Variants in MAU2 observed in about 807,000 individuals in gnomAD.
MAU2 encodes the protein MAU2 sister chromatid cohesion factor.
Under a neutral mutation model 89.1 loss-of-function variants are expected in MAU2, and 9 were observed. The observed-to-expected ratio is 0.10, with a 90% confidence interval of 0.06 to 0.18. MAU2 has a LOEUF of 0.18. MAU2 is among the 10% of genes least tolerant of loss of function. The pLI, the probability that MAU2 is intolerant of heterozygous loss-of-function variation, is 1.00. For missense variants in MAU2, 425 were observed against 803.5 expected (o/e 0.53, Z 5.69); for synonymous variants, 357 against 343.4 (o/e 1.04, Z -0.44).
At position 19,345,468 on chromosome 19, in the gene MAU2, C is replaced by A; in HGVS notation, c.1221+99C>A. On this transcript the variant is annotated intron_variant, in intron 12 of 18. Transcript: ENST00000262815. This position sits in a 1 kb window ranked among gnomAD's most constrained non-coding sequence, Gnocchi z 4.9. Reference sequence around the variant, plus strand: ...GAGGACAGCAGTCGCGCTAGGTCAGCTATGCAAAGCCGCAGCCCCAGAGGC... The same window carrying A: ...GAGGACAGCAGTCGCGCTAGGTCAGATATGCAAAGCCGCAGCCCCAGAGGC... 8.6e-7 allele frequency: 1 copy of A among 1,163,756 alleles called. No individual in the cohort carries two copies. Among genetic ancestry groups the A allele is most frequent in the Non-Finnish European group, 1.3e-6 (1 of 788,494 alleles). 72.1% of individuals were successfully genotyped at this position (1,163,756 alleles called of 1,614,324 possible).
At chr19:19,354,738 T>C in intron 17 of MAU2, 1 of 460,400 alleles carries the variant, frequency 2.2e-6, no homozygotes, top group Non-Finnish European at 4.0e-6. Context: ...CCTTGCTTCT[T>C]CCCGGAAAGG....
chr19:19,339,038 G>C (rs1015642291), intron 5 of MAU2, 99 bp downstream of exon 5: 2 of 919,914 alleles, frequency 2.2e-6, no homozygotes. Flanking sequence ...TTCAGGTGAA[G>C]TACAGTAGCT....
intron 5 of MAU2, among the ~76,000 whole-genome samples, chr19:19,340,164 CA>C (rs1253222446): frequency 0.01 from 852 of 84,010 alleles, 2 homozygotes; most frequent in African/African-American, 0.022. Context: ...GACTCCATCT[CA>C]AAAAAAAAAA....
At chr19:19,330,001 A>G (rs1366705156) in intron 1 of MAU2, among the ~76,000 whole-genome samples, 3 of 151,146 alleles carry the variant, frequency 2.0e-5, no homozygotes, top group Middle Eastern at 3.4e-3. Context: ...TTTTTTTGAG[A>G]TAAAGTCTCA....
intron 1 of MAU2, among the ~76,000 whole-genome samples, chr19:19,326,658 A>C (rs866701383): frequency 5.6e-4 from 81 of 144,616 alleles, no homozygotes; most frequent in African/African-American, 1.9e-3. Context: ...TGCACTCCAG[A>C]CTGGGCGAAA....
chr19:19,337,379 G>A, intron 4 of MAU2, 114 bp downstream of exon 4: 2 of 791,132 alleles, frequency 2.5e-6, no homozygotes, highest in South Asian at 2.9e-5. Flanking sequence ...CCCTCGGGCT[G>A]GCACATGGAG....
In MAU2 at chr19:19,345,620, G is replaced by A. The variant is rs1317224728; in HGVS notation, c.1221+251G>A. 1.3e-5 allele frequency among the ~76,000 whole-genome samples: 2 copies of A among 152,170 alleles called. No individual in the cohort carries two copies. The highest frequency in any genetic ancestry group is 2.9e-5 in the Non-Finnish European group (2 of 68,036). ...CAGACGTGAGGGAGAGGTGCGACGC[G>A]TCCGGGGACACCACTTTCATGCCTG... is the stretch of plus-strand genomic sequence containing the variant. On this transcript the variant is annotated intron_variant, in intron 12 of 18. Transcript: ENST00000262815. This position sits in a 1 kb window ranked among gnomAD's most constrained non-coding sequence, Gnocchi z 4.9.
intron 1 of MAU2, among the ~76,000 whole-genome samples, chr19:19,335,407 C>G (rs1772024381): frequency 1.3e-5 from 2 of 152,162 alleles, no homozygotes; most frequent in South Asian, 4.1e-4. Flanking sequence ...CCTCTGAGCT[C>G]TGTTCCTTTC....
chr19:19,343,202 A>G lies in MAU2; in HGVS notation c.973+336A>G, dbSNP rs187523151. Reference sequence around the variant, plus strand: ...CAGGATCAGAACTCAGCCCTCACTGACCACCAGCATGTCCTTTGGAGGTCG... The same window carrying G: ...CAGGATCAGAACTCAGCCCTCACTGGCCACCAGCATGTCCTTTGGAGGTCG... On this transcript the variant is annotated intron_variant, in intron 9 of 18. Coordinates refer to ENST00000262815, the MANE Select transcript of MAU2 (RefSeq NM_015329.4). 3.0e-4 allele frequency among the ~76,000 whole-genome samples: 45 copies of G among 152,222 alleles called. No individual in the cohort carries two copies. In the East Asian group the frequency reaches 8.3e-3, roughly 28 times the overall value.
Position 19,356,166 on chromosome 19 carries a change from TCACC to T in MAU2, c.*387_*390del, listed in dbSNP as rs1599931982. 2.4e-6 allele frequency: 1 copy of T among 423,328 alleles called. No homozygotes were observed. The highest frequency in any genetic ancestry group is 6.4e-5 in the East Asian group (1 of 15,610). 26.2% of individuals were successfully genotyped at this position (423,328 alleles called of 1,614,324 possible). A position where few individuals can be genotyped will look rare whatever the true frequency, so the allele number is the denominator to read the frequency against. On this transcript the variant is annotated 3_prime_UTR_variant, in exon 19 of 19. Coordinates refer to ENST00000262815, the MANE Select transcript of MAU2 (RefSeq NM_015329.4). ...CAGGGGCACCACGCCTGACTCTCCATCACCCAGGCCTTGATGCCGAGCGGGAGTA... is the reference window on the plus strand; with the variant it reads ...CAGGGGCACCACGCCTGACTCTCCATCAGGCCTTGATGCCGAGCGGGAGTA...
chr19:19,323,079 C>CAG (rs956082329), intron 1 of MAU2, among the ~76,000 whole-genome samples: 69 of 151,508 alleles, frequency 4.6e-4, no homozygotes, highest in African/African-American at 1.6e-3. Flanking sequence ...TTAGTAGAGA[C>CAG]GGGTTCACAG....
In MAU2 at chr19:19,321,195, C is replaced by T. The variant is rs187205831; in HGVS notation, c.276+60C>T. Reference sequence around the variant, plus strand: ...GGGCTCCTTGCAAGATCTGGGCTGACGGGTCGCGACCGCGGCGGGTGGGGG... The same window carrying T: ...GGGCTCCTTGCAAGATCTGGGCTGATGGGTCGCGACCGCGGCGGGTGGGGG... On this transcript the variant is annotated intron_variant, in intron 1 of 18. Transcript: ENST00000262815. 1,491 of 1,442,996 alleles carry T rather than the reference C, an allele frequency of 1.0e-3. 11 individuals are homozygous for T. The African/African-American group carries it at 0.02, about 19-fold the overall frequency. The allele number at this position is 1,442,996 out of a possible 1,614,324, so 89.4% of individuals were successfully genotyped here. A position where few individuals can be genotyped will look rare whatever the true frequency, so the allele number is the denominator to read the frequency against.
chr19:19,354,221 C>A, intron 16 of MAU2, 134 bp from the exon 17 acceptor site: 1 of 688,856 alleles, frequency 1.5e-6, no homozygotes, highest in Non-Finnish European at 2.7e-6. Context: ...TAGGAGTTCA[C>A]CAGACGCAGA....
At position 19,345,038 on chromosome 19, in the gene MAU2, C is replaced by T; in HGVS notation, c.1155+112C>T. 1.0e-6 allele frequency: 1 copy of T among 983,172 alleles called. No homozygotes were observed. The highest frequency in any genetic ancestry group is 1.6e-6 in the Non-Finnish European group (1 of 639,390). The allele number at this position is 983,172 out of a possible 1,614,324, so 60.9% of individuals were successfully genotyped here. ...AAGGACCCCCTGACAGCACCCTAAT[C>T]AGAATCCGGAATGTTCCCATAGGTA... is the stretch of plus-strand genomic sequence containing the variant. On this transcript the variant is annotated intron_variant, in intron 11 of 18. Transcript: ENST00000262815. The surrounding 1 kb of genome is among the most constrained non-coding windows in gnomAD (Gnocchi z 4.9).
intron 16 of MAU2, chr19:19,354,101 A>G (rs943213401): frequency 2.3e-4 from 126 of 538,692 alleles, no homozygotes; most frequent in South Asian, 6.1e-4. Context: ...GAAGCCCCCA[A>G]AGTTGTCCAT....
intron 4 of MAU2, 93 bp downstream of exon 4, chr19:19,337,358 A>C: frequency 1.0e-6 from 1 of 983,804 alleles, no homozygotes; most frequent in Non-Finnish European, 1.6e-6. Context: ...AGAGTCCACG[A>C]TGCGCAGACC....
intron 1 of MAU2, 104 bp from the exon 2 acceptor site, chr19:19,335,614 G>T: frequency 2.6e-6 from 3 of 1,153,122 alleles, no homozygotes; most frequent in Non-Finnish European, 3.9e-6. Context: ...TGGATACCTG[G>T]CAGCCTCTGT....
intron 4 of MAU2, 41 bp from the exon 5 acceptor site, chr19:19,338,804 T>A: frequency 6.7e-7 from 1 of 1,496,902 alleles, no homozygotes; most frequent in Non-Finnish European, 9.2e-7. Context: ...GTAAAACTGA[T>A]GGGTTTGGCA....
intron 4 of MAU2, 27 bp downstream of exon 4, chr19:19,337,292 G>T (rs1398733883): frequency 6.3e-7 from 1 of 1,584,668 alleles, no homozygotes; most frequent in Admixed American, 1.7e-5. Flanking sequence ...GGGAACGAGG[G>T]TGCCCGGCAG....
Sources: gnomAD v4.1 joint callset for allele counts (sites outside exome capture counted in the v4.1 genomes callset) on GRCh38, gnomAD v4.1.1 for gene constraint, Gnocchi (gnomAD v3.1) non-coding constraint, MANE v1.5 for transcripts, NCBI Gene and HGNC (gene_info 2026-07-23, HGNC 2026-07-21) for gene names.